The following ANKS1B variants were observed in gnomAD, a reference collection of about 807,000 sequenced individuals.
ANKS1B encodes the protein ankyrin repeat and sterile alpha motif domain-containing protein 1B.
A neutral mutation model predicts 148.3 loss-of-function variants in ANKS1B; 36 were observed. The observed-to-expected ratio is 0.24, with a 90% confidence interval of 0.19 to 0.32. ANKS1B has a LOEUF of 0.32. Among genes scored for constraint, ANKS1B ranks in the 10% least tolerant of loss-of-function variants. The pLI is 1.00. For synonymous variants in ANKS1B, 542 were observed against 560.8 expected, an observed-to-expected ratio of 0.97 and a Z score of 0.47; for missense variants, 1,157 against 1,542.6, an observed-to-expected ratio of 0.75 and a Z score of 4.19.
rs553819338 is a variant in ANKS1B at position 99,403,616 on chromosome 12, C to T, written c.1576-3805G>A. ...TTTACTCTGTTGACAGTTTCTTTTG[C>T]TGTACAGAGGCTCTTTAGTTTTACT... On this transcript the variant is annotated intron_variant, in intron 11 of 26. Coordinates refer to ENST00000683438, the MANE Select transcript of ANKS1B (RefSeq NM_001352186.2). 6.2e-5 allele frequency among the ~76,000 whole-genome samples: 9 copies of T among 145,434 alleles called. No individual in the cohort carries two copies. The East Asian group carries it at 1.5e-3, about 25-fold the overall frequency.
At chr12:98,738,392 G>A (rs1030166304) in intron 9 of ANKS1B, among the ~76,000 whole-genome samples, 5 of 152,094 alleles carry the variant, frequency 3.3e-5, no homozygotes, top group African/African-American at 1.2e-4. Context: ...GGTGGTCGAG[G>A]CCTGAGTTTG....
chr12:99,052,923 G>A (rs2099967204), intron 17 of ANKS1B, among the ~76,000 whole-genome samples: 1 of 151,998 alleles, frequency 6.6e-6, no homozygotes, highest in Non-Finnish European at 1.5e-5. Flanking sequence ...AAAAATGCTT[G>A]GAAGATTTTC....
At chr12:99,346,961 C>A (rs1316559822) in intron 12 of ANKS1B, among the ~76,000 whole-genome samples, 1 of 151,940 alleles carries the variant, frequency 6.6e-6, no homozygotes, top group Non-Finnish European at 1.5e-5. Flanking sequence ...TTGTGTCCAT[C>A]CCCACCATTG....
At chr12:99,308,843 G>T (rs2082717673) in intron 12 of ANKS1B, among the ~76,000 whole-genome samples, 2 of 149,938 alleles carry the variant, frequency 1.3e-5, no homozygotes, top group African/African-American at 2.4e-5. Context: ...TTTGTGCCTA[G>T]GTAATTTATA....
chr12:99,052,493 C>T (rs942571401), intron 17 of ANKS1B, among the ~76,000 whole-genome samples: 11 of 147,038 alleles, frequency 7.5e-5, no homozygotes, highest in Non-Finnish European at 1.2e-4. Context: ...TTTGGGAGGC[C>T]GAGGCGGGTG....
chr12:98,926,789 C>T (rs2099808881), intron 17 of ANKS1B, among the ~76,000 whole-genome samples: 1 of 151,584 alleles, frequency 6.6e-6, no homozygotes, highest in South Asian at 2.1e-4. Context: ...AAAGAATAAG[C>T]AAACTTGAAT....
At chr12:99,026,883 T>A (rs990251816) in intron 17 of ANKS1B, among the ~76,000 whole-genome samples, 2 of 152,244 alleles carry the variant, frequency 1.3e-5, no homozygotes, top group Non-Finnish European at 2.9e-5. Context: ...AGCTAGGATC[T>A]AACAGTGAAT....
intron 9 of ANKS1B, among the ~76,000 whole-genome samples, chr12:99,564,567 A>G (rs988205205): frequency 6.6e-6 from 1 of 151,824 alleles, no homozygotes; most frequent in African/African-American, 2.4e-5. Flanking sequence ...TTAAATTTCA[A>G]TAGTACCAGA....
intron 12 of ANKS1B, among the ~76,000 whole-genome samples, chr12:99,399,181 C>G (rs1429690493): frequency 6.6e-6 from 1 of 152,048 alleles, no homozygotes; most frequent in Non-Finnish European, 1.5e-5. Flanking sequence ...CATTTTCTCC[C>G]CCAACACACT....
At chr12:99,240,834 G>C (rs1003271296) in intron 14 of ANKS1B, among the ~76,000 whole-genome samples, 10 of 152,184 alleles carry the variant, frequency 6.6e-5, no homozygotes, top group Non-Finnish European at 1.3e-4. Context: ...AAATAAAGAT[G>C]TTCTTTGAAA....
chr12:99,419,530 T>C (rs1252751447), intron 11 of ANKS1B, among the ~76,000 whole-genome samples: 2 of 152,168 alleles, frequency 1.3e-5, no homozygotes, highest in Non-Finnish European at 2.9e-5. Context: ...GAAATAACAA[T>C]ATAATGATTT....
chr12:99,503,615 T>G (rs764335830), intron 10 of ANKS1B, among the ~76,000 whole-genome samples: 6 of 152,160 alleles, frequency 3.9e-5, no homozygotes, highest in Non-Finnish European at 8.8e-5. Context: ...CTTCTTCTAA[T>G]CTCCTTGAAA....
chr12:99,247,788 T>C (rs2074059254), intron 12 of ANKS1B, among the ~76,000 whole-genome samples: 1 of 152,208 alleles, frequency 6.6e-6, no homozygotes, highest in Non-Finnish European at 1.5e-5. Flanking sequence ...AGTGTCCTTT[T>C]TTTCAGTGTT....
chr12:98,742,149 A>G (rs980541579), downstream of ANKS1B, among the ~76,000 whole-genome samples: 3 of 152,254 alleles, frequency 2.0e-5, no homozygotes, highest in Non-Finnish European at 4.4e-5. Flanking sequence ...GAAGTCTGTC[A>G]TCTGATACCC....
chr12:99,913,823 T>C (rs1029732690), intron 1 of ANKS1B, among the ~76,000 whole-genome samples: 1 of 151,858 alleles, frequency 6.6e-6, no homozygotes, highest in Admixed American at 6.6e-5. Flanking sequence ...GATTTCATAC[T>C]GTTAAAAAAA....
intron 9 of ANKS1B, among the ~76,000 whole-genome samples, chr12:99,571,770 A>G (rs2097458462): frequency 6.6e-6 from 1 of 152,126 alleles, no homozygotes; most frequent in Admixed American, 6.5e-5. Context: ...GGTACTTTTC[A>G]TATAAATAAG....
intron 11 of ANKS1B, among the ~76,000 whole-genome samples, chr12:99,442,727 ATAACT>A (rs1232344901): frequency 6.6e-6 from 1 of 151,996 alleles, no homozygotes; most frequent in Non-Finnish European, 1.5e-5. Flanking sequence ...ATGATCTAAA[ATAACT>A]TATGTTAAAC....
intron 17 of ANKS1B, among the ~76,000 whole-genome samples, chr12:98,912,443 A>C (rs796882006): frequency 1.1e-4 from 17 of 152,086 alleles, no homozygotes; most frequent in African/African-American, 4.1e-4. Flanking sequence ...TTTCCCCCTT[A>C]AGTCTTCCTG....
chr12:99,645,489 G>A (rs1254518630), intron 9 of ANKS1B, among the ~76,000 whole-genome samples: 4 of 152,012 alleles, frequency 2.6e-5, no homozygotes, highest in Non-Finnish European at 5.9e-5. Context: ...ATAGCTCAGG[G>A]GTCATCTCCA....
Sources: gnomAD v4.1 joint callset for allele counts (sites outside exome capture counted in the v4.1 genomes callset) on GRCh38, gnomAD v4.1.1 for gene constraint, MANE v1.5 for transcripts, NCBI Gene and HGNC (gene_info 2026-07-23, HGNC 2026-07-21) for gene names.